RAD18: variants seen among roughly 807,000 people sequenced by gnomAD.
RAD18 encodes the protein RAD18 E3 ubiquitin protein ligase, also known as E3 ubiquitin-protein ligase RAD18.
RAD18 carries 47 observed loss-of-function variants against 60.4 expected under a neutral mutation model. The observed-to-expected ratio is 0.78, with a 90% CI of 0.62 to 0.99. The LOEUF (loss-of-function observed/expected upper bound fraction) is 0.99, where lower values mean the gene tolerates loss of function less well. RAD18 is among the 50% of genes least tolerant of loss of function. The pLI is 0.00. For synonymous variants in RAD18, 225 were observed against 195.5 expected (o/e 1.15, Z -1.26); for missense variants, 640 against 593.3 (o/e 1.08, Z -0.82).
At chr3:8,925,994 AC>A (rs1235924150) in intron 7 of RAD18, among the ~76,000 whole-genome samples, 1 of 151,874 alleles carries the variant, frequency 6.6e-6, no homozygotes, top group African/African-American at 2.4e-5. Flanking sequence ...CCCTTTGAAA[AC>A]TGGCACAAGA....
intron 6 of RAD18, among the ~76,000 whole-genome samples, chr3:8,939,044 T>C (rs915957288): frequency 2.0e-5 from 3 of 152,020 alleles, no homozygotes; most frequent in African/African-American, 7.2e-5. Context: ...GGGGGTGGTG[T>C]GGGGTATGAC....
chr3:8,898,940 C>T lies in RAD18; in HGVS notation c.1276G>A (p.Asp426Asn), dbSNP rs771339775. ...DREEDSSSCI[D>N]IQEVLSSSES... ...GATGAAGAAAGAACTTCTTGAATAT[C>T]AATACAGCTAGAAGAATCCTCTTCT... The change falls in exon 11 of 13, where the codon GAT becomes AAT. Residue 426 changes from aspartate to asparagine, a missense_variant. Transcript: ENST00000264926. 3 of 1,605,176 alleles carry T rather than the reference C, an allele frequency of 1.9e-6. No individual in the cohort carries two copies. The highest frequency in any genetic ancestry group is 2.2e-5 in the South Asian group (2 of 89,460).
At chr3:8,958,242 T>C (rs1245317535) in intron 2 of RAD18, among the ~76,000 whole-genome samples, 1 of 152,234 alleles carries the variant, frequency 6.6e-6, no homozygotes, top group African/African-American at 2.4e-5. Context: ...CTAAGTTGAC[T>C]GTTTTTAACT....
chr3:8,892,295 T>C (rs1939705226), intron 11 of RAD18, among the ~76,000 whole-genome samples: 1 of 152,162 alleles, frequency 6.6e-6, no homozygotes, highest in South Asian at 2.1e-4. Flanking sequence ...TAAGGTTTGG[T>C]ACATGAACGT....
At chr3:8,908,052 C>A (rs145687371) in intron 9 of RAD18, among the ~76,000 whole-genome samples, 6 of 152,296 alleles carry the variant, frequency 3.9e-5, no homozygotes, top group African/African-American at 1.4e-4. Flanking sequence ...CAGGATATGA[C>A]AAAGGGTGAG....
At chr3:8,945,906 G>A (rs1940831681) in intron 4 of RAD18, among the ~76,000 whole-genome samples, 1 of 152,214 alleles carries the variant, frequency 6.6e-6, no homozygotes, top group Non-Finnish European at 1.5e-5. Context: ...TTTAAGCTAA[G>A]TGTTATTACA....
At chr3:8,917,410 C>T (rs746636691) in intron 7 of RAD18, among the ~76,000 whole-genome samples, 4 of 151,988 alleles carry the variant, frequency 2.6e-5, no homozygotes, top group Non-Finnish European at 2.9e-5. Flanking sequence ...ACTTTTTTCT[C>T]GTTTTTAACT....
intron 10 of RAD18, 132 bp from the exon 11 acceptor site, chr3:8,899,179 G>GCTGTCACTAGAGTTC: frequency 1.7e-6 from 1 of 603,236 alleles, no homozygotes; most frequent in Non-Finnish European, 2.6e-6. Flanking sequence ...CAGAACTCTA[G>GCTGTCACTAGAGTTC]TGACAGCCAG....
chr3:8,930,910 G>C (rs1312050895), intron 7 of RAD18, among the ~76,000 whole-genome samples: 1 of 152,044 alleles, frequency 6.6e-6, no homozygotes, highest in Non-Finnish European at 1.5e-5. Context: ...ATGAAAGTCA[G>C]AGATCCTTTC....
chr3:8,902,165 C>A (rs1939922835), intron 10 of RAD18, among the ~76,000 whole-genome samples: 1 of 152,128 alleles, frequency 6.6e-6, no homozygotes, highest in African/African-American at 2.4e-5. Context: ...GGACGATAGA[C>A]AAAAAGAGAT....
intron 2 of RAD18, among the ~76,000 whole-genome samples, chr3:8,956,679 G>A (rs888978755): frequency 1.4e-5 from 2 of 147,770 alleles, no homozygotes; most frequent in Non-Finnish European, 2.9e-5. Flanking sequence ...ACAAAATAAA[G>A]GAAGAAAATC....
intron 2 of RAD18, among the ~76,000 whole-genome samples, chr3:8,954,379 G>A (rs140039569): frequency 2.6e-5 from 4 of 152,170 alleles, no homozygotes; most frequent in African/African-American, 9.7e-5. Context: ...CTCTTTTGAT[G>A]TTTGAAAGCC....
chr3:8,886,616 G>A (rs1939570025), intron 12 of RAD18, among the ~76,000 whole-genome samples: 3 of 152,232 alleles, frequency 2.0e-5, no homozygotes, highest in Admixed American at 2.0e-4. Context: ...AGTGCTAGGT[G>A]CTAGGGATTT....
At position 8,902,376 on chromosome 3, in the gene RAD18, T is replaced by C. The variant is rs1207724804; in HGVS notation, c.1168+4A>G. 3 of 1,570,878 alleles carry C rather than the reference T, an allele frequency of 1.9e-6. No homozygotes were observed. The Admixed American group carries it at 5.8e-5, about 30-fold the overall frequency. ...TATGTCTGTTTTTAATTATAGTCTCTTACCCATGCATACAGAAGATAGCTT... is the reference window on the plus strand; with the variant it reads ...TATGTCTGTTTTTAATTATAGTCTCCTACCCATGCATACAGAAGATAGCTT... On this transcript the variant is annotated splice_donor_region_variant and intron_variant, in intron 10 of 12. Coordinates refer to ENST00000264926, the MANE Select transcript of RAD18 (RefSeq NM_020165.4).
intron 7 of RAD18, among the ~76,000 whole-genome samples, chr3:8,924,554 A>T (rs1242119674): frequency 7.1e-6 from 1 of 140,726 alleles, no homozygotes; most frequent in Non-Finnish European, 1.6e-5. Context: ...GCTCTGCACC[A>T]AGCAGACCTA....
intron 11 of RAD18, 133 bp from the exon 12 acceptor site, chr3:8,890,584 G>C (rs1220920456): frequency 1.7e-6 from 1 of 603,444 alleles, no homozygotes; most frequent in Non-Finnish European, 2.9e-6. Context: ...TAAGAGGAAG[G>C]AGGGAGAGTG....
At chr3:8,897,375 A>G (rs571883943) in intron 11 of RAD18, among the ~76,000 whole-genome samples, 12 of 152,336 alleles carry the variant, frequency 7.9e-5, no homozygotes, top group African/African-American at 2.2e-4. Flanking sequence ...AATTTCCTCT[A>G]CCACTTAAGC....
chr3:8,953,992 G>A (rs1295439476), intron 2 of RAD18, among the ~76,000 whole-genome samples: 2 of 152,180 alleles, frequency 1.3e-5, no homozygotes, highest in African/African-American at 2.4e-5. Context: ...AATAATAAAC[G>A]TGTTTATCTT....
chr3:8,923,686 G>C lies in RAD18; in HGVS notation c.890-9966C>G, dbSNP rs558222859. ...AGAGAAAGGTCGGGTTACCCACAAA[G>C]GGAAGCCCATCAGACTAACAGCTGA... On this transcript the variant is annotated intron_variant, in intron 7 of 12. Transcript: ENST00000264926. Among the ~76,000 whole-genome samples the C allele has an allele frequency of 2.4e-3, 361 of 152,266 alleles. 1 individual carries two copies. Among genetic ancestry groups the C allele is most frequent in the African/African-American group, 8.3e-3 (343 of 41,534 alleles).
Sources: allele counts gnomAD v4.1 joint callset (sites outside exome capture counted in the v4.1 genomes callset), GRCh38; gene constraint gnomAD v4.1.1; transcripts MANE v1.5; gene names NCBI Gene and HGNC (gene_info 2026-07-23, HGNC 2026-07-21).